Variants in SYT16 observed in about 807,000 individuals in gnomAD.
SYT16 encodes synaptotagmin 16.
A neutral mutation model predicts 61.4 loss-of-function variants in SYT16; 42 were observed. The observed-to-expected ratio is 0.68, with a 90% CI of 0.53 to 0.89. The LOEUF is 0.89. Among genes scored for constraint, SYT16 ranks in the 40% least tolerant of loss-of-function variants. The pLI, the probability that SYT16 is intolerant of heterozygous loss-of-function variation, is 0.00. For missense variants in SYT16, 804 were observed against 807.3 expected (o/e 1.00, Z 0.05); for synonymous variants, 314 against 302.3 (o/e 1.04, Z -0.40).
intron 3 of SYT16, among the ~76,000 whole-genome samples, chr14:62,046,163 A>G (rs2054973094): frequency 6.6e-6 from 1 of 152,100 alleles, no homozygotes; most frequent in African/African-American, 2.4e-5. Flanking sequence ...GTGAGATGGT[A>G]TCTCATTGTG....
intron 1 of SYT16, among the ~76,000 whole-genome samples, chr14:61,864,602 G>A (rs1459907672): frequency 1.3e-5 from 2 of 152,282 alleles, no homozygotes; most frequent in East Asian, 1.9e-4. Flanking sequence ...AGGCCGCTTC[G>A]GCCGCCGCCT....
At chr14:61,899,733 T>C (rs1279387895) in intron 1 of SYT16, among the ~76,000 whole-genome samples, 1 of 152,158 alleles carries the variant, frequency 6.6e-6, no homozygotes, top group African/African-American at 2.4e-5. Flanking sequence ...GAATCCTAGA[T>C]GAACAAAGCC....
In SYT16 at chr14:62,048,584, A is replaced by G. The variant is rs1009378544; in HGVS notation, c.524-21019A>G. Among the ~76,000 whole-genome samples, 7 of 152,104 alleles carry G rather than the reference A, an allele frequency of 4.6e-5. No homozygotes were observed. The South Asian group carries it at 6.2e-4, about 14-fold the overall frequency. On this transcript the variant is annotated intron_variant, in intron 3 of 7. Coordinates refer to ENST00000683842, the MANE Select transcript of SYT16 (RefSeq NM_001367656.1). ...TTGTGATGTTAGGGTGTCAATTTTA[A>G]ATCTTTCCTGCTTTCTCTTGTGGGC...
chr14:61,879,816 G>C (rs929292536), intron 1 of SYT16, among the ~76,000 whole-genome samples: 4 of 152,064 alleles, frequency 2.6e-5, no homozygotes, highest in African/African-American at 9.7e-5. Context: ...TCCTGACATC[G>C]ATCTAACATT....
chr14:61,922,018 G>C (rs1464505863), intron 1 of SYT16, among the ~76,000 whole-genome samples: 1 of 152,142 alleles, frequency 6.6e-6, no homozygotes, highest in East Asian at 1.9e-4. Context: ...AGAGTATCTG[G>C]CACATATTTA....
chr14:62,063,131 T>C (rs2055901456), intron 3 of SYT16, among the ~76,000 whole-genome samples: 2 of 152,094 alleles, frequency 1.3e-5, no homozygotes, highest in African/African-American at 2.4e-5. Context: ...GAAAAAGGAT[T>C]GTAAGGTAAG....
chr14:61,888,026 T>A (rs1480384975), intron 1 of SYT16, among the ~76,000 whole-genome samples: 2 of 152,236 alleles, frequency 1.3e-5, no homozygotes, highest in East Asian at 3.8e-4. Context: ...TTATCATTTT[T>A]ATCTTTTGAT....
chr14:62,011,065 A>G (rs886884718), intron 3 of SYT16, among the ~76,000 whole-genome samples: 1 of 152,224 alleles, frequency 6.6e-6, no homozygotes, highest in African/African-American at 2.4e-5. Flanking sequence ...AGTGACATAG[A>G]GGCAATATTG....
In SYT16 at chr14:61,996,121, G is replaced by A. The variant is rs753608392; in HGVS notation, c.102G>A (p.Met34Ile). 1.9e-6 allele frequency: 3 copies of A among 1,613,328 alleles called. No homozygotes were observed. The highest frequency in any genetic ancestry group is 2.2e-5 in the South Asian group (2 of 91,048). ...VYEALQQAGDMLSASLVNISK... is the reference protein window; with the variant it reads ...VYEALQQAGDILSASLVNISK... ...AAGCTCTCCAGCAAGCAGGAGATAT[G>A]TTATCTGCTTCGCTGGTTAACATAA... is the stretch of plus-strand genomic sequence containing the variant. The change falls in exon 3 of 8, where the codon ATG (methionine) becomes ATA (isoleucine). Residue 34 changes from methionine (M) to isoleucine (I), a missense_variant. By Grantham distance (10) the Met-to-Ile change is conservative. Coordinates refer to ENST00000683842, the MANE Select transcript of SYT16 (RefSeq NM_001367656.1).
chr14:61,830,418 T>C (rs1032046246), intron 1 of SYT16, among the ~76,000 whole-genome samples: 1 of 152,238 alleles, frequency 6.6e-6, no homozygotes, highest in Non-Finnish European at 1.5e-5. Context: ...GAATGTCGAT[T>C]TAGTTTTTAT....
At chr14:61,878,223 A>G (rs2047568323) in intron 1 of SYT16, among the ~76,000 whole-genome samples, 1 of 152,228 alleles carries the variant, frequency 6.6e-6, no homozygotes, top group Non-Finnish European at 1.5e-5. Flanking sequence ...AATGAAGATG[A>G]TTAGAAAAGC....
At chr14:61,972,972 G>C (rs2051624395) in intron 2 of SYT16, among the ~76,000 whole-genome samples, 1 of 152,112 alleles carries the variant, frequency 6.6e-6, no homozygotes, top group African/African-American at 2.4e-5. Flanking sequence ...TCTATGAATG[G>C]AAGAGAACTA....
At chr14:61,842,812 T>C (rs1051175128) in intron 1 of SYT16, among the ~76,000 whole-genome samples, 7 of 151,788 alleles carry the variant, frequency 4.6e-5, no homozygotes, top group Admixed American at 4.6e-4. Context: ...CATTAGGAGA[T>C]ATACCTAATG....
At chr14:62,015,427 G>A (rs546034492) in intron 3 of SYT16, among the ~76,000 whole-genome samples, 12 of 152,270 alleles carry the variant, frequency 7.9e-5, no homozygotes, top group South Asian at 2.1e-4. Flanking sequence ...GAATGCAGCC[G>A]AAGTTCTTAA....
chr14:62,006,438 G>C (rs1282926220), intron 3 of SYT16, among the ~76,000 whole-genome samples: 1 of 152,052 alleles, frequency 6.6e-6, no homozygotes, highest in Admixed American at 6.6e-5. Context: ...TTTTCATAAT[G>C]TTGTATCTTG....
chr14:61,983,639 C>T (rs1445984316), intron 2 of SYT16, among the ~76,000 whole-genome samples: 2 of 152,094 alleles, frequency 1.3e-5, no homozygotes, highest in African/African-American at 4.8e-5. Context: ...AATCCTTCAG[C>T]CTCAGTTTCC....
chr14:62,060,588 T>A (rs1488962023), intron 3 of SYT16, among the ~76,000 whole-genome samples: 1 of 151,946 alleles, frequency 6.6e-6, no homozygotes, highest in African/African-American at 2.4e-5. Flanking sequence ...GATTATTTGG[T>A]TTTTCTTTTT....
chr14:62,034,051 T>G (rs1397728352), intron 3 of SYT16, among the ~76,000 whole-genome samples: 1 of 152,164 alleles, frequency 6.6e-6, no homozygotes, highest in Admixed American at 6.5e-5. Flanking sequence ...CTTGAATATG[T>G]CTATTTTTCT....
chr14:61,856,021 G>A (rs1236899511), intron 1 of SYT16, among the ~76,000 whole-genome samples: 1 of 152,242 alleles, frequency 6.6e-6, no homozygotes. Context: ...AGCCAGGAGT[G>A]TATGTGGTGT....
Sources: allele counts gnomAD v4.1 joint callset (sites outside exome capture counted in the v4.1 genomes callset), GRCh38; gene constraint gnomAD v4.1.1; transcripts MANE v1.5; gene names NCBI Gene and HGNC (gene_info 2026-07-23, HGNC 2026-07-21).